Variants in TNRC6B observed in about 807,000 individuals in gnomAD.
The protein encoded by TNRC6B is trinucleotide repeat containing adaptor 6B.
Under a neutral mutation model 203.6 loss-of-function variants are expected in TNRC6B, and 52 were observed. The observed-to-expected ratio is 0.26, with a 90% CI of 0.20 to 0.32. The LOEUF is 0.32. Among genes scored for constraint, TNRC6B ranks in the 10% least tolerant of loss-of-function variants. The pLI, the probability that TNRC6B is intolerant of heterozygous loss-of-function variation, is 1.00. For missense variants in TNRC6B, 1,923 were observed against 2,286.2 expected, an observed-to-expected ratio of 0.84 and a Z score of 3.24; for synonymous variants, 838 against 845.7, an observed-to-expected ratio of 0.99 and a Z score of 0.16.
rs940813954 is a variant in TNRC6B, at chr22:40,273,482, G to A, written c.3023G>A (p.Arg1008His). Residue 1008 changes from arginine (R) to histidine (H), a missense_variant, in exon 7 of 23, where the codon CGC becomes CAC. This residue lies in a region of TNRC6B where 599 missense variants were observed against 656.5 expected (regional missense o/e 0.91). Transcript: ENST00000454349. Reference protein sequence around the residue: ...GESDGPVTGARHPSWEEEEDG... With the variant: ...GESDGPVTGAHHPSWEEEEDG... ...AGTGACGGGCCAGTCACAGGAGCTC[G>A]CCATCCCAGCTGGGAAGAGGAGGAG... is the stretch of plus-strand genomic sequence containing the variant. 1.2e-5 allele frequency: 20 copies of A among 1,608,298 alleles called. No individual in the cohort carries two copies. Among genetic ancestry groups the A allele is most frequent in the Non-Finnish European group, 1.4e-5 (17 of 1,177,392 alleles).
chr22:40,246,668 A>G (rs994982117), intron 2 of TNRC6B, among the ~76,000 whole-genome samples: 2 of 152,186 alleles, frequency 1.3e-5, no homozygotes, highest in African/African-American at 4.8e-5. Flanking sequence ...AGAGTTTTCA[A>G]ACTCTCAACT....
intron 1 of TNRC6B, among the ~76,000 whole-genome samples, chr22:40,222,165 A>C (rs1285123056): frequency 6.6e-6 from 1 of 151,898 alleles, no homozygotes; most frequent in East Asian, 1.9e-4. Flanking sequence ...AGTCCCTGGA[A>C]CCTCTTACTT....
chr22:40,267,090 A>T lies in TNRC6B; in HGVS notation c.2806+54A>T, dbSNP rs1227019073. On this transcript the variant is annotated intron_variant, in intron 5 of 22. Coordinates refer to ENST00000454349, the MANE Select transcript of TNRC6B (RefSeq NM_001162501.2). The stretch of plus-strand genomic sequence containing the variant: ...TGATGAAGAAAAGGAATCCTAGACC[A>T]AGGCATTTTTATTAGGTGAATTTAT... 9 of 1,449,774 alleles carry T rather than the reference A, an allele frequency of 6.2e-6. No individual in the cohort carries two copies. The Admixed American group carries it at 2.6e-4, about 41-fold the overall frequency. The allele number at this position is 1,449,774 out of a possible 1,614,324, so 89.8% of individuals were successfully genotyped here.
intron 1 of TNRC6B, among the ~76,000 whole-genome samples, chr22:40,214,208 A>T (rs575657750): frequency 6.6e-6 from 1 of 152,146 alleles, no homozygotes; most frequent in South Asian, 2.1e-4. Flanking sequence ...CAGAGGTTGC[A>T]GTGAGCAGAG....
chr22:40,312,873 T>C (rs762567012), intron 18 of TNRC6B, 29 bp from the exon 19 acceptor site: 3 of 1,593,854 alleles, frequency 1.9e-6, no homozygotes, highest in Admixed American at 3.4e-5. Context: ...TTATCTTCAG[T>C]ATTTTCTTCT....
intron 4 of TNRC6B, among the ~76,000 whole-genome samples, chr22:40,170,610 ATCC>A (rs1221231462): frequency 3.1e-4 from 5 of 16,166 alleles, no homozygotes; most frequent in South Asian, 3.2e-3. Flanking sequence ...GTTTATATAT[ATCC>A]TATACATACA....
At chr22:40,046,939 C>G (rs968622808) in intron 1 of TNRC6B, among the ~76,000 whole-genome samples, 3 of 152,148 alleles carry the variant, frequency 2.0e-5, no homozygotes, top group Non-Finnish European at 4.4e-5. Flanking sequence ...GCCACCGCGC[C>G]CGGCCTTAAA....
At chr22:40,249,516 AG>A (rs2070154542) in intron 2 of TNRC6B, among the ~76,000 whole-genome samples, 1 of 152,152 alleles carries the variant, frequency 6.6e-6, no homozygotes. Context: ...CTGCTAAAGG[AG>A]CATTGTTTAG....
intron 3 of TNRC6B, among the ~76,000 whole-genome samples, chr22:40,134,981 T>A (rs2068586722): frequency 6.6e-6 from 1 of 152,234 alleles, no homozygotes; most frequent in African/African-American, 2.4e-5. Flanking sequence ...GGAGTTACAG[T>A]CATCTGGAGG....
chr22:40,177,497 GC>G (rs1313294015), upstream of TNRC6B, among the ~76,000 whole-genome samples: 1 of 152,112 alleles, frequency 6.6e-6, no homozygotes, highest in African/African-American at 2.4e-5. Flanking sequence ...GATCAGTCGT[GC>G]CCTGTATTTC....
At chr22:40,211,265 A>G (rs1330006934) in intron 1 of TNRC6B, among the ~76,000 whole-genome samples, 1 of 151,966 alleles carries the variant, frequency 6.6e-6, no homozygotes, top group Non-Finnish European at 1.5e-5. Context: ...TTTTTTGTAG[A>G]AAGGAGGTCT....
intron 1 of TNRC6B, among the ~76,000 whole-genome samples, chr22:40,222,300 G>A (rs1822463332): frequency 6.6e-6 from 1 of 152,182 alleles, no homozygotes; most frequent in African/African-American, 2.4e-5. Context: ...GAGGTGTCAG[G>A]AATAAAAGGG....
intron 1 of TNRC6B, among the ~76,000 whole-genome samples, chr22:40,066,242 C>G (rs2067892965): frequency 6.6e-6 from 1 of 152,132 alleles, no homozygotes; most frequent in Non-Finnish European, 1.5e-5. Flanking sequence ...ACATCACTGT[C>G]CCATGCTGCC....
intron 9 of TNRC6B, 25 bp downstream of exon 9, chr22:40,278,069 A>G: frequency 6.5e-7 from 1 of 1,546,358 alleles, no homozygotes; most frequent in Non-Finnish European, 8.8e-7. Flanking sequence ...GCTGAAAAGA[A>G]TGGAGTATAT....
intron 7 of TNRC6B, 57 bp downstream of exon 7, chr22:40,273,657 GGTTTT>G: frequency 6.8e-7 from 1 of 1,475,846 alleles, no homozygotes; most frequent in South Asian, 1.4e-5. Flanking sequence ...GCAGAACTGA[GGTTTT>G]GTTTTGTTTG....
chr22:40,090,580 G>T (rs112743987), intron 1 of TNRC6B, among the ~76,000 whole-genome samples: 1,789 of 151,996 alleles, frequency 0.012, 35 homozygotes, highest in African/African-American at 0.041. Flanking sequence ...GTATATTTTG[G>T]ATAACAGTCC....
chr22:40,201,620 A>G (rs1325152180), intron 1 of TNRC6B, among the ~76,000 whole-genome samples: 1 of 151,602 alleles, frequency 6.6e-6, no homozygotes, highest in Non-Finnish European at 1.5e-5. Context: ...TTTTTTGAAG[A>G]GACAGGGTCT....
At chr22:40,228,016 T>C (rs1033514072) in intron 1 of TNRC6B, among the ~76,000 whole-genome samples, 1 of 152,224 alleles carries the variant, frequency 6.6e-6, no homozygotes, top group African/African-American at 2.4e-5. Flanking sequence ...CTATTCCTCA[T>C]CTTCTTTTTA....
rs1248437042 is a variant in TNRC6B at position 40,132,970 on chromosome 22, ATATATATAT to A, written c.45+7109_45+7117del. On this transcript the variant is annotated intron_variant, in intron 3 of 23. Coordinates refer to the TNRC6B transcript ENST00000301923. ...AAAAAAAAAAAAAAAAAAAAAAAAAATATATATATATATATATATATTCTGTAAAATCCG... is the reference window on the plus strand; with the variant it reads ...AAAAAAAAAAAAAAAAAAAAAAAAAAATATATATATATTCTGTAAAATCCG... Among the ~76,000 whole-genome samples the A allele has an allele frequency of 4.3e-5, 2 of 46,944 alleles. 1 individual carries two copies. Among genetic ancestry groups the A allele is most frequent in the Non-Finnish European group, 8.1e-5 (2 of 24,566 alleles). 30.8% of individuals were successfully genotyped at this position (46,944 alleles called of 152,430 possible). A position where few individuals can be genotyped will look rare whatever the true frequency, so the allele number is the denominator to read the frequency against.
Sources: allele counts gnomAD v4.1 joint callset (sites outside exome capture counted in the v4.1 genomes callset), GRCh38; gene constraint gnomAD v4.1.1; regional missense constraint gnomAD v4.1.1; transcripts MANE v1.5; gene names NCBI Gene and HGNC (gene_info 2026-07-23, HGNC 2026-07-21).